Variants in RAB6A observed in about 807,000 individuals in gnomAD.
RAB6A encodes RAB6A, member RAS oncogene family.
Under a neutral mutation model 32.3 loss-of-function variants are expected in RAB6A, and 8 were observed. That is an observed-to-expected ratio of 0.25 (90% CI 0.15 to 0.45). The LOEUF (loss-of-function observed/expected upper bound fraction) is 0.45, where lower values mean the gene tolerates loss of function less well. Ranked by LOEUF, RAB6A falls within the 20% of genes least tolerant of loss-of-function variation. The probability of loss-of-function intolerance (pLI) is 1.00; values close to 1 mark genes in which losing one functional copy is unlikely to be tolerated. For synonymous variants in RAB6A, 73 were observed against 82.1 expected (o/e 0.89, Z 0.60); for missense variants, 104 against 249.4 (o/e 0.42, Z 3.93).
chr11:73,707,481 G>A lies in RAB6A; in HGVS notation c.434C>T (p.Ala145Val). 6.2e-7 allele frequency: 1 copy of A among 1,613,468 alleles called. No homozygotes were observed. Among genetic ancestry groups the A allele is most frequent in the Non-Finnish European group, 8.5e-7 (1 of 1,179,650 alleles). Residue 145 changes from alanine to valine, a missense_variant, in exon 6 of 8, where the codon GCC becomes GTC. This residue lies in a region of RAB6A where 21 missense variants were observed against 18.2 expected (regional missense o/e 1.15). Transcript: ENST00000336083. ...AATAAACATAACATTCAGCTCTTTG[G>A]CTTTCCTCTCTCCCTCCTCAATTGA... ...QVSIEEGERKAKELNVMFIET... is the reference protein window; with the variant it reads ...QVSIEEGERKVKELNVMFIET...
intron 1 of RAB6A, among the ~76,000 whole-genome samples, chr11:73,756,547 T>C (rs556296520): frequency 6.6e-6 from 1 of 152,324 alleles, no homozygotes; most frequent in African/African-American, 2.4e-5. Context: ...AACATGTATA[T>C]ATAGTGAAAT....
intron 5 of RAB6A, among the ~76,000 whole-genome samples, chr11:73,709,866 TACACATATAC>T (rs1193306451): frequency 4.4e-5 from 6 of 136,440 alleles, no homozygotes; most frequent in East Asian, 2.2e-4. Flanking sequence ...TATACATATA[TACACATATAC>T]ATACATATAT....
In RAB6A at chr11:73,677,040, G is replaced by A. The variant is rs1256662137; in HGVS notation, c.*858C>T. On this transcript the variant is annotated 3_prime_UTR_variant, in exon 8 of 8. Transcript: ENST00000336083. The stretch of plus-strand genomic sequence containing the variant: ...TAACTCTTGACAATTTTAAAACCTT[G>A]GGAGAAACAGTTCATTAGAACTTCA... 6.0e-6 allele frequency: 1 copy of A among 166,720 alleles called. No individual in the cohort carries two copies. Among genetic ancestry groups the A allele is most frequent in the African/African-American group, 2.4e-5 (1 of 41,414 alleles). The allele number at this position is 166,720 out of a possible 1,614,324, so 10.3% of individuals were successfully genotyped here.
chr11:73,749,276 G>A (rs1006847108), intron 1 of RAB6A, among the ~76,000 whole-genome samples: 5 of 152,258 alleles, frequency 3.3e-5, no homozygotes, highest in East Asian at 1.9e-4. Context: ...ATCAAACATC[G>A]TGTGTTCTCA....
In RAB6A at chr11:73,676,501, G is replaced by T. The variant is rs922532027; in HGVS notation, c.*1397C>A. 3.1e-5 allele frequency: 5 copies of T among 158,836 alleles called. No individual in the cohort carries two copies. Among genetic ancestry groups the T allele is most frequent in the African/African-American group, 1.0e-4 (4 of 40,068 alleles). The allele number at this position is 158,836 out of a possible 1,614,324, so 9.8% of individuals were successfully genotyped here. On this transcript the variant is annotated 3_prime_UTR_variant, in exon 8 of 8. Coordinates refer to ENST00000336083, the MANE Select transcript of RAB6A (RefSeq NM_198896.2). Reference sequence around the variant, plus strand: ...AGTTGTTAAAAAAAAAAAAGGCAAAGAAATAAATATCACCAAAGAAAAAAG... The same window carrying T: ...AGTTGTTAAAAAAAAAAAAGGCAAATAAATAAATATCACCAAAGAAAAAAG...
Position 73,710,193 on chromosome 11 carries a change from C to A in RAB6A, c.402-2680G>T, listed in dbSNP as rs1277476724. Among the ~76,000 whole-genome samples the A allele has an allele frequency of 4.7e-5, 7 of 149,206 alleles. 1 individual carries two copies. The highest frequency in any genetic ancestry group is 3.3e-4 in the Admixed American group (5 of 14,994). The stretch of plus-strand genomic sequence containing the variant: ...GTGTTAGCCAGGATGGTCTCGATCT[C>A]CGGACCTCGTGATCCACCCGCCTTG... On this transcript the variant is annotated intron_variant, in intron 5 of 7. Transcript: ENST00000336083.
At chr11:73,724,371 T>G (rs763692040) in intron 2 of RAB6A, among the ~76,000 whole-genome samples, 5 of 152,138 alleles carry the variant, frequency 3.3e-5, no homozygotes, top group Admixed American at 3.3e-4. Context: ...AGAACAGTAC[T>G]CTCTTCCTTC....
chr11:73,745,607 G>GATCATCT (rs900073496), intron 1 of RAB6A, among the ~76,000 whole-genome samples: 1 of 151,996 alleles, frequency 6.6e-6, no homozygotes, highest in African/African-American at 2.4e-5. Flanking sequence ...GAGATGGGTG[G>GATCATCT]ATCATCTGAG....
chr11:73,738,058 T>C (rs976439822), intron 1 of RAB6A, among the ~76,000 whole-genome samples: 2 of 151,824 alleles, frequency 1.3e-5, no homozygotes, highest in Non-Finnish European at 2.9e-5. Context: ...AACTGTATAC[T>C]TGATACAAGT....
At chr11:73,682,021 G>C (rs984041333) in intron 6 of RAB6A, among the ~76,000 whole-genome samples, 23 of 152,032 alleles carry the variant, frequency 1.5e-4, no homozygotes, top group African/African-American at 5.6e-4. Context: ...TTGAATTGCG[G>C]AACACTTACC....
intron 5 of RAB6A, among the ~76,000 whole-genome samples, chr11:73,708,030 G>C (rs1945877322): frequency 6.6e-6 from 1 of 152,098 alleles, no homozygotes; most frequent in Non-Finnish European, 1.5e-5. Flanking sequence ...CTGTCAATTT[G>C]CTCCTATAAT....
At chr11:73,713,004 C>A (rs1413998136) in intron 5 of RAB6A, among the ~76,000 whole-genome samples, 1 of 152,148 alleles carries the variant, frequency 6.6e-6, no homozygotes, top group Non-Finnish European at 1.5e-5. Flanking sequence ...TGAGCCACCA[C>A]GCTGGCCAGA....
intron 1 of RAB6A, among the ~76,000 whole-genome samples, chr11:73,745,524 C>G (rs1206950308): frequency 6.6e-6 from 1 of 152,134 alleles, no homozygotes; most frequent in Non-Finnish European, 1.5e-5. Context: ...GCAGGTGGAT[C>G]ACTTGAGGTC....
rs1555054176 is a variant in RAB6A at position 73,685,588 on chromosome 11, G to GAAAGTCTTTTTTTTTTTTT, written c.496-5869_496-5868insAAAAAAAAAAAAAGACTTT. On this transcript the variant is annotated intron_variant, in intron 6 of 7. Transcript: ENST00000336083. ...AAGTGTGAGCCACCACGCCCGGACT[G>GAAAGTCTTTTTTTTTTTTT]AAAGTAGCGACCAGGTGCGGTGCCT... is the stretch of plus-strand genomic sequence containing the variant. Among the ~76,000 whole-genome samples the GAAAGTCTTTTTTTTTTTTT allele has an allele frequency of 8.9e-5, 8 of 89,572 alleles. 1 individual carries two copies. In the East Asian group the frequency reaches 1.0e-3, roughly 11 times the overall value. 58.8% of individuals were successfully genotyped at this position (89,572 alleles called of 152,430 possible).
intron 4 of RAB6A, among the ~76,000 whole-genome samples, chr11:73,718,289 AG>A (rs1448625641): frequency 6.6e-6 from 1 of 152,156 alleles, no homozygotes; most frequent in East Asian, 1.9e-4. Flanking sequence ...ATTTTATTTT[AG>A]AGAAATCTGA....
At chr11:73,744,622 G>C (rs1277826320) in intron 1 of RAB6A, among the ~76,000 whole-genome samples, 2 of 150,350 alleles carry the variant, frequency 1.3e-5, no homozygotes, top group Non-Finnish European at 2.9e-5. Flanking sequence ...TGTATCATAA[G>C]GACAAAAAGA....
At chr11:73,678,022 T>A in intron 7 of RAB6A, 60 bp from the exon 8 acceptor site, 2 of 1,550,692 alleles carry the variant, frequency 1.3e-6, no homozygotes, top group African/African-American at 2.7e-5. Context: ...TTCCAAACAC[T>A]AGCATTTCTG....
intron 1 of RAB6A, among the ~76,000 whole-genome samples, chr11:73,734,673 G>A (rs369022756): frequency 2.0e-5 from 3 of 152,196 alleles, no homozygotes; most frequent in South Asian, 2.1e-4. Context: ...TCACTATAGG[G>A]TTCTCGCTCC....
At chr11:73,745,535 G>A (rs369130562) in intron 1 of RAB6A, among the ~76,000 whole-genome samples, 1 of 152,042 alleles carries the variant, frequency 6.6e-6, no homozygotes, top group Non-Finnish European at 1.5e-5. Context: ...ACTTGAGGTC[G>A]GGAGTTTGAG....
Sources: gnomAD v4.1 joint callset for allele counts (sites outside exome capture counted in the v4.1 genomes callset) on GRCh38, gnomAD v4.1.1 for gene constraint, gnomAD v4.1.1 regional missense constraint, MANE v1.5 for transcripts, NCBI Gene and HGNC (gene_info 2026-07-23, HGNC 2026-07-21) for gene names.